RNF180: variants seen among roughly 807,000 people sequenced by gnomAD.
RNF180 encodes the protein ring finger protein 180, also known as E3 ubiquitin-protein ligase RNF180.
In RNF180, 38 loss-of-function variants were observed where a neutral mutation model predicts 59.2. The ratio of observed to expected loss-of-function variants is 0.64; its 90% CI spans 0.50 to 0.84. The LOEUF is 0.84. Ranked by LOEUF, RNF180 falls within the 40% of genes least tolerant of loss-of-function variation. RNF180 has a pLI of 0.00. For missense variants in RNF180, 705 were observed against 700.9 expected, an observed-to-expected ratio of 1.01 and a Z score of -0.07; for synonymous variants, 262 against 240.3, an observed-to-expected ratio of 1.09 and a Z score of -0.84.
At chr5:64,289,317 A>G (rs993952148) in intron 5 of RNF180, among the ~76,000 whole-genome samples, 3 of 152,122 alleles carry the variant, frequency 2.0e-5, no homozygotes, top group East Asian at 1.9e-4. Flanking sequence ...GGATTTTTGC[A>G]TTAATGTTCA....
At chr5:64,247,222 T>C (rs1027779221) in intron 5 of RNF180, among the ~76,000 whole-genome samples, 4 of 152,140 alleles carry the variant, frequency 2.6e-5, no homozygotes, top group African/African-American at 7.2e-5. Flanking sequence ...ATGCCCTCTC[T>C]CACCACTCCG....
intron 7 of RNF180, among the ~76,000 whole-genome samples, chr5:64,340,279 A>C (rs1026659352): frequency 2.0e-5 from 3 of 152,216 alleles, no homozygotes; most frequent in African/African-American, 7.2e-5. Flanking sequence ...ACAAGAATTA[A>C]AAATTCCATG....
intron 5 of RNF180, among the ~76,000 whole-genome samples, chr5:64,301,726 T>TGTGTGTGTGTGTG (rs1743171415): frequency 6.6e-6 from 1 of 151,472 alleles, no homozygotes; most frequent in African/African-American, 2.4e-5. Flanking sequence ...TGTGTGTGTA[T>TGTGTGTGTGTGTG]AGTTTTCAGT....
intron 4 of RNF180, 21 bp from the exon 5 acceptor site, chr5:64,217,340 C>G: frequency 7.2e-7 from 1 of 1,389,240 alleles, no homozygotes; most frequent in South Asian, 1.9e-5. Context: ...TTTGTGTGAA[C>G]CTAATTTTTT....
chr5:64,214,330 TG>T lies in RNF180; in HGVS notation c.1005del (p.Ser337GlnfsTer44). 1 of 1,614,040 alleles carries T rather than the reference TG, an allele frequency of 6.2e-7. No homozygotes were observed. Among genetic ancestry groups the T allele is most frequent in the Non-Finnish European group, 8.5e-7 (1 of 1,179,974 alleles). ...NTNNLTFLMD[L>X]PSAGRSMPEA... ...AACAATCTGACTTTCCTGATGGACCTGCCCTCAGCTGGCAGGAGCATGCCGG... is the reference window on the plus strand; with the variant it reads ...AACAATCTGACTTTCCTGATGGACCTCCCTCAGCTGGCAGGAGCATGCCGG... On this transcript the variant is annotated frameshift_variant, in exon 4 of 8. Coordinates refer to ENST00000389100, the MANE Select transcript of RNF180 (RefSeq NM_001113561.2). LOFTEE classifies it high-confidence loss of function.
At chr5:64,280,979 C>A (rs891064031) in intron 5 of RNF180, among the ~76,000 whole-genome samples, 2 of 152,148 alleles carry the variant, frequency 1.3e-5, no homozygotes, top group Non-Finnish European at 2.9e-5. Flanking sequence ...TGTCTGATTT[C>A]TTTCAGCAGT....
intron 1 of RNF180, among the ~76,000 whole-genome samples, chr5:64,167,688 T>G (rs996199015): frequency 6.6e-6 from 1 of 152,202 alleles, no homozygotes; most frequent in African/African-American, 2.4e-5. Context: ...TGCTTTTTAC[T>G]CTTACAATGT....
chr5:64,262,716 G>T (rs1331983790), intron 5 of RNF180, among the ~76,000 whole-genome samples: 1 of 152,086 alleles, frequency 6.6e-6, no homozygotes, highest in Non-Finnish European at 1.5e-5. Flanking sequence ...AGGATTTTTG[G>T]TTTTTTGTAA....
chr5:64,283,919 A>C (rs1248492994), intron 5 of RNF180, among the ~76,000 whole-genome samples: 1 of 152,194 alleles, frequency 6.6e-6, no homozygotes, highest in Non-Finnish European at 1.5e-5. Context: ...GCTGGTTATT[A>C]TGCAAGCTTG....
Position 64,214,411 on chromosome 5 carries a change from A to G in RNF180, c.1085A>G (p.Asn362Ser), listed in dbSNP as rs138102107. ...LSPLDFLHSA[N>S]FSLGSINQRL... ...CCTCTGGACTTCCTGCACTCAGCCA[A>G]TTTTTCATTGGGCAGCATTAATCAG... The change falls in exon 4 of 8, where the codon AAT (asparagine) becomes AGT (serine). Residue 362 changes from asparagine (N) to serine (S), a missense_variant. Coordinates refer to ENST00000389100, the MANE Select transcript of RNF180 (RefSeq NM_001113561.2). 79 of 1,613,938 alleles carry G rather than the reference A, an allele frequency of 4.9e-5. No individual in the cohort carries two copies. The highest frequency in any genetic ancestry group is 6.7e-5 in the East Asian group (3 of 44,884).
At chr5:64,318,536 G>A (rs1744183941) in intron 5 of RNF180, among the ~76,000 whole-genome samples, 1 of 151,968 alleles carries the variant, frequency 6.6e-6, no homozygotes, top group African/African-American at 2.4e-5. Flanking sequence ...AAATAAGGGG[G>A]AACTATTATA....
intron 5 of RNF180, among the ~76,000 whole-genome samples, chr5:64,240,502 CAT>C (rs1161239655): frequency 3.9e-5 from 6 of 152,314 alleles, no homozygotes; most frequent in East Asian, 3.9e-4. Flanking sequence ...AACATGCTAA[CAT>C]GTGTACCTGA....
chr5:64,347,782 G>A (rs1010199392), intron 7 of RNF180, among the ~76,000 whole-genome samples: 1 of 152,116 alleles, frequency 6.6e-6, no homozygotes, highest in Non-Finnish European at 1.5e-5. Flanking sequence ...GCCTTTACGA[G>A]TGTCAGGACT....
At chr5:64,263,771 T>C (rs950013502) in intron 5 of RNF180, among the ~76,000 whole-genome samples, 7 of 152,296 alleles carry the variant, frequency 4.6e-5, no homozygotes, top group African/African-American at 1.7e-4. Context: ...TAGAACAGCC[T>C]TAGTCACATC....
chr5:64,297,294 C>T (rs1317148380), intron 5 of RNF180, among the ~76,000 whole-genome samples: 4 of 151,846 alleles, frequency 2.6e-5, no homozygotes, highest in Non-Finnish European at 5.9e-5. Context: ...TCACAAAAGG[C>T]CTGGTTTCTT....
At chr5:64,174,527 G>A (rs1185633576) in intron 1 of RNF180, among the ~76,000 whole-genome samples, 2 of 151,798 alleles carry the variant, frequency 1.3e-5, no homozygotes, top group Non-Finnish European at 2.9e-5. Flanking sequence ...ATGTCTCATT[G>A]TGATTTTAAT....
At chr5:64,317,434 C>T (rs1416716170) in intron 5 of RNF180, among the ~76,000 whole-genome samples, 1 of 151,900 alleles carries the variant, frequency 6.6e-6, no homozygotes, top group East Asian at 1.9e-4. Flanking sequence ...TGCCAACAGA[C>T]TTGTTTGTCA....
At position 64,331,522 on chromosome 5, in the gene RNF180, C is replaced by A. The variant is rs570371594; in HGVS notation, c.1579+1116C>A. 9.9e-5 allele frequency among the ~76,000 whole-genome samples: 15 copies of A among 152,250 alleles called. 2 individuals carry two copies. The highest frequency in any genetic ancestry group is 3.6e-4 in the African/African-American group (15 of 41,556). ...ACCTGACAATATGACCTGTGAGTCT[C>A]CTCTCCACTGAGGGCTGTAGAGACA... On this transcript the variant is annotated intron_variant, in intron 7 of 7. Coordinates refer to ENST00000389100, the MANE Select transcript of RNF180 (RefSeq NM_001113561.2).
intron 5 of RNF180, among the ~76,000 whole-genome samples, chr5:64,308,517 AGC>A (rs1206844452): frequency 4.6e-5 from 7 of 151,764 alleles, no homozygotes; most frequent in African/African-American, 1.7e-4. Flanking sequence ...ACAAAAGTGT[AGC>A]CAGGGGCTTG....
Sources: gnomAD v4.1 joint callset for allele counts (sites outside exome capture counted in the v4.1 genomes callset) on GRCh38, gnomAD v4.1.1 for gene constraint, MANE v1.5 for transcripts, NCBI Gene and HGNC (gene_info 2026-07-23, HGNC 2026-07-21) for gene names.